The following MED13L variants were observed in gnomAD, a reference collection of about 807,000 sequenced individuals.
MED13L encodes the protein mediator complex subunit 13L.
In MED13L, 7 loss-of-function variants were observed where a neutral mutation model predicts 220.9. That is an observed-to-expected ratio of 0.03 (90% CI 0.02 to 0.06). The LOEUF (loss-of-function observed/expected upper bound fraction) is 0.06, where lower values mean the gene tolerates loss of function less well. MED13L is among the 10% of genes least tolerant of loss of function. MED13L has a pLI of 1.00. For missense variants in MED13L, 1,965 were observed against 2,760.5 expected (o/e 0.71, Z 6.46); for synonymous variants, 1,011 against 1,015.2 (o/e 1.00, Z 0.08).
chr12:116,240,495 A>G (rs995050189), intron 1 of MED13L, among the ~76,000 whole-genome samples: 6 of 152,086 alleles, frequency 3.9e-5, no homozygotes, highest in Non-Finnish European at 8.8e-5. Context: ...CAAAAATAAA[A>G]AGAAGTTGAA....
intron 4 of MED13L, among the ~76,000 whole-genome samples, chr12:116,050,659 G>A (rs117844315): frequency 0.012 from 1,836 of 152,122 alleles, 40 homozygotes; most frequent in East Asian, 0.019. Context: ...TCCATTGGCC[G>A]GGCACGGTGG....
chr12:116,269,432 A>G (rs935156531), intron 1 of MED13L, among the ~76,000 whole-genome samples: 9 of 138,340 alleles, frequency 6.5e-5, no homozygotes, highest in Non-Finnish European at 1.2e-4. Context: ...CCCCCAATCT[A>G]CTTTTAAAGT....
chr12:116,238,578 G>C (rs1870315655), intron 1 of MED13L, among the ~76,000 whole-genome samples: 1 of 152,160 alleles, frequency 6.6e-6, no homozygotes, highest in Non-Finnish European at 1.5e-5. Context: ...AAACAGCCCA[G>C]GTGGCCCTTG....
chr12:116,102,176 T>G (rs1302417057), intron 3 of MED13L, among the ~76,000 whole-genome samples: 1 of 152,228 alleles, frequency 6.6e-6, no homozygotes, highest in African/African-American at 2.4e-5. Context: ...TGTTTCTGTG[T>G]CATGCCATAT....
chr12:116,021,753 C>T (rs953513665), intron 5 of MED13L, among the ~76,000 whole-genome samples: 3 of 151,956 alleles, frequency 2.0e-5, no homozygotes, highest in Non-Finnish European at 2.9e-5. Context: ...TGTTTCCATA[C>T]GGTTCAATCT....
chr12:115,988,601 G>A (rs1256288200), intron 17 of MED13L, among the ~76,000 whole-genome samples: 1 of 152,196 alleles, frequency 6.6e-6, no homozygotes, highest in Non-Finnish European at 1.5e-5. Flanking sequence ...GAAACTAAAA[G>A]CAAGCACGTT....
intron 4 of MED13L, among the ~76,000 whole-genome samples, chr12:116,092,392 A>G (rs1001280009): frequency 3.3e-5 from 5 of 152,220 alleles, no homozygotes; most frequent in African/African-American, 1.2e-4. Flanking sequence ...GATGGAGAGA[A>G]GGCGTACCAC....
chr12:116,238,343 T>C (rs559919624), intron 1 of MED13L, among the ~76,000 whole-genome samples: 1 of 152,344 alleles, frequency 6.6e-6, no homozygotes, highest in Admixed American at 6.5e-5. Context: ...TATTTTATTT[T>C]TTACACACAT....
chr12:115,980,991 A>G, intron 22 of MED13L, 53 bp from the exon 23 acceptor site: 2 of 1,489,596 alleles, frequency 1.3e-6, no homozygotes, highest in Non-Finnish European at 1.8e-6. Context: ...AGAAACTGAG[A>G]TCTAACACAC....
chr12:116,012,078 G>A (rs562004557), intron 9 of MED13L, among the ~76,000 whole-genome samples: 8 of 152,030 alleles, frequency 5.3e-5, no homozygotes, highest in African/African-American at 1.7e-4. Flanking sequence ...TCAGAAGCAG[G>A]GCTACTCAAA....
chr12:116,064,460 T>C (rs1012360491), intron 4 of MED13L, among the ~76,000 whole-genome samples: 2 of 152,206 alleles, frequency 1.3e-5, no homozygotes, highest in South Asian at 2.1e-4. Flanking sequence ...GCTGTACTTA[T>C]TTCTTATGAA....
chr12:116,081,919 G>T (rs1871263196), intron 4 of MED13L, among the ~76,000 whole-genome samples: 1 of 152,078 alleles, frequency 6.6e-6, no homozygotes, highest in South Asian at 2.1e-4. Context: ...ATACACAATA[G>T]ACTTGTTTAA....
At chr12:116,127,299 A>AT (rs953845667) in intron 2 of MED13L, among the ~76,000 whole-genome samples, 8 of 152,156 alleles carry the variant, frequency 5.3e-5, no homozygotes, top group African/African-American at 1.9e-4. Context: ...ATTTAAAAAC[A>AT]TTTTTTCAAT....
intron 1 of MED13L, among the ~76,000 whole-genome samples, chr12:116,247,278 G>T (rs1871180951): frequency 6.6e-6 from 1 of 151,652 alleles, no homozygotes; most frequent in Non-Finnish European, 1.5e-5. Flanking sequence ...ATCAAAATGG[G>T]GTAATAGAAT....
At chr12:116,106,487 TAAAGATA>T (rs1438922543) in intron 3 of MED13L, among the ~76,000 whole-genome samples, 1 of 152,186 alleles carries the variant, frequency 6.6e-6, no homozygotes, top group African/African-American at 2.4e-5. Flanking sequence ...AAGCACTCTT[TAAAGATA>T]AAAAGAACTC....
intron 12 of MED13L, 109 bp from the exon 13 acceptor site, chr12:116,006,102 T>A (rs904197516): frequency 6.7e-7 from 1 of 1,496,646 alleles, no homozygotes; most frequent in Non-Finnish European, 9.2e-7. Context: ...AGTTTTTCCC[T>A]ATGGTTTTAG....
chr12:116,156,997 TGAGAGAGCAAGC>T (rs374236411), intron 2 of MED13L, among the ~76,000 whole-genome samples: 46 of 152,218 alleles, frequency 3.0e-4, no homozygotes, highest in Non-Finnish European at 6.0e-4. Flanking sequence ...CTCAGGATAT[TGAGAGAGCAAGC>T]GAGAGAGAAG....
chr12:116,148,081 G>T (rs1198639228), intron 2 of MED13L, among the ~76,000 whole-genome samples: 1 of 100,450 alleles, frequency 1.0e-5, no homozygotes, highest in African/African-American at 3.3e-5. Flanking sequence ...AAAAGAGGGG[G>T]GCGGGAGTGG....
chr12:115,959,842 G>A lies in MED13L; in HGVS notation c.*1424C>T, dbSNP rs1875649675. On this transcript the variant is annotated 3_prime_UTR_variant, in exon 31 of 31. Transcript: ENST00000281928. ...TCAATTATTACATTTTTCCTTTTTT[G>A]TTAATAACCAGGACATGGAAGTCTC... The A allele has an allele frequency of 6.6e-6, 1 of 151,488 alleles. No homozygotes were observed. The highest frequency in any genetic ancestry group is 1.5e-5 in the Non-Finnish European group (1 of 67,824). The allele number at this position is 151,488 out of a possible 1,614,324, so 9.4% of individuals were successfully genotyped here.
Sources: allele counts gnomAD v4.1 joint callset (sites outside exome capture counted in the v4.1 genomes callset), GRCh38; gene constraint gnomAD v4.1.1; transcripts MANE v1.5; gene names NCBI Gene and HGNC (gene_info 2026-07-23, HGNC 2026-07-21).